The following HS6ST3 variants were observed in gnomAD, a reference collection of about 807,000 sequenced individuals.
HS6ST3 encodes heparan-sulfate 6-O-sulfotransferase 3.
A neutral mutation model predicts 36.7 loss-of-function variants in HS6ST3; 12 were observed. The observed-to-expected ratio is 0.33, with a 90% confidence interval of 0.21 to 0.53. The LOEUF (loss-of-function observed/expected upper bound fraction) is 0.53, where lower values mean the gene tolerates loss of function less well. HS6ST3 is among the 20% of genes least tolerant of loss of function. The pLI is 0.95. For synonymous variants in HS6ST3, 240 were observed against 257.5 expected (o/e 0.93, Z 0.65); for missense variants, 584 against 640.9 (o/e 0.91, Z 0.96).
intron 1 of HS6ST3, among the ~76,000 whole-genome samples, chr13:96,775,630 CAAG>C (rs1223070095): frequency 1.3e-5 from 2 of 151,770 alleles, no homozygotes; most frequent in Non-Finnish European, 2.9e-5. Flanking sequence ...ATCAATACAA[CAAG>C]AAGGACTATC....
At chr13:96,433,179 A>C (rs1319307) in intron 1 of HS6ST3, among the ~76,000 whole-genome samples, 45,923 of 152,108 alleles carry the variant, frequency 0.3, 7,109 homozygotes, top group South Asian at 0.44. Flanking sequence ...GAAACAGTCA[A>C]TAACAAGGTT....
At chr13:96,597,445 T>TC (rs1393867990) in intron 1 of HS6ST3, among the ~76,000 whole-genome samples, 1 of 152,170 alleles carries the variant, frequency 6.6e-6, no homozygotes, top group East Asian at 1.9e-4. Context: ...TGAGCATTTT[T>TC]CATATTTTTT....
chr13:96,146,280 C>T (rs1365589372), intron 1 of HS6ST3, among the ~76,000 whole-genome samples: 3 of 152,130 alleles, frequency 2.0e-5, no homozygotes, highest in Non-Finnish European at 4.4e-5. Flanking sequence ...ATTCTTCCTA[C>T]CCATGAGCAT....
chr13:96,694,312 G>C (rs1230875011), intron 1 of HS6ST3, among the ~76,000 whole-genome samples: 1 of 152,144 alleles, frequency 6.6e-6, no homozygotes, highest in African/African-American at 2.4e-5. Flanking sequence ...ATGGCCTCCA[G>C]CTGTATCCAT....
chr13:96,667,819 A>G (rs963413958), intron 1 of HS6ST3, among the ~76,000 whole-genome samples: 6 of 152,186 alleles, frequency 3.9e-5, no homozygotes, highest in Non-Finnish European at 7.4e-5. Flanking sequence ...GGTACTTACT[A>G]TGCCTTCCTC....
At chr13:96,619,382 T>C (rs2056485806) in intron 1 of HS6ST3, among the ~76,000 whole-genome samples, 1 of 152,248 alleles carries the variant, frequency 6.6e-6, no homozygotes, top group African/African-American at 2.4e-5. Flanking sequence ...TGTAGAGTTA[T>C]CTGACTTTTT....
intron 1 of HS6ST3, among the ~76,000 whole-genome samples, chr13:96,200,216 T>G (rs2054334305): frequency 6.6e-6 from 1 of 152,206 alleles, no homozygotes; most frequent in African/African-American, 2.4e-5. Context: ...AATAGTCAAC[T>G]CTGCAATGGC....
At chr13:96,748,346 C>A (rs190007781) in intron 1 of HS6ST3, among the ~76,000 whole-genome samples, 1 of 152,084 alleles carries the variant, frequency 6.6e-6, no homozygotes, top group East Asian at 1.9e-4. Flanking sequence ...CCCTGTAATC[C>A]AGGATGTGGA....
intron 1 of HS6ST3, among the ~76,000 whole-genome samples, chr13:96,152,835 A>G (rs1362791486): frequency 6.6e-6 from 1 of 151,992 alleles, no homozygotes; most frequent in African/African-American, 2.4e-5. Flanking sequence ...TCTCCTTTTT[A>G]TCCAGTCTTA....
At chr13:96,694,673 T>C (rs1875071008) in intron 1 of HS6ST3, among the ~76,000 whole-genome samples, 1 of 152,210 alleles carries the variant, frequency 6.6e-6, no homozygotes, top group Non-Finnish European at 1.5e-5. Flanking sequence ...TAAGTGTTCC[T>C]ATTTCTCCAT....
chr13:96,299,781 G>T (rs2054872598), intron 1 of HS6ST3, among the ~76,000 whole-genome samples: 1 of 152,100 alleles, frequency 6.6e-6, no homozygotes, highest in Non-Finnish European at 1.5e-5. Flanking sequence ...GGGAGAATGG[G>T]ATAATCCAGA....
chr13:96,538,597 C>A (rs767778092), intron 1 of HS6ST3, among the ~76,000 whole-genome samples: 3 of 152,142 alleles, frequency 2.0e-5, no homozygotes, highest in Non-Finnish European at 4.4e-5. Context: ...GCACATGCCA[C>A]CATGCCCGGC....
chr13:96,321,905 G>A (rs2055004775), intron 1 of HS6ST3, among the ~76,000 whole-genome samples: 1 of 151,902 alleles, frequency 6.6e-6, no homozygotes, highest in African/African-American at 2.4e-5. Context: ...CATTCACTCT[G>A]CACTCTCCTG....
chr13:96,785,473 T>G (rs370953071), intron 1 of HS6ST3, among the ~76,000 whole-genome samples: 4 of 152,298 alleles, frequency 2.6e-5, no homozygotes, highest in African/African-American at 7.2e-5. Flanking sequence ...GGTCATGATC[T>G]CCCAAAATAG....
chr13:96,834,722 T>C lies in HS6ST3; in HGVS notation c.*1524T>C, dbSNP rs1878884208. 1.3e-5 allele frequency: 2 copies of C among 152,562 alleles called. No homozygotes were observed. Among genetic ancestry groups the C allele is most frequent in the African/African-American group, 4.8e-5 (2 of 41,426 alleles). The allele number at this position is 152,562 out of a possible 1,614,324, so 9.5% of individuals were successfully genotyped here. On this transcript the variant is annotated 3_prime_UTR_variant, in exon 2 of 2. Coordinates refer to ENST00000376705, the MANE Select transcript of HS6ST3 (RefSeq NM_153456.4). ...AAGCCTATTTCATTGATATCCAACA[T>C]GTTTGATGTTTAAGCTAGCTTTACC...
chr13:96,532,471 A>G (rs183236457), intron 1 of HS6ST3, among the ~76,000 whole-genome samples: 1 of 152,314 alleles, frequency 6.6e-6, no homozygotes, highest in African/African-American at 2.4e-5. Context: ...TTTGCTAACT[A>G]TGGGACTGGT....
intron 1 of HS6ST3, among the ~76,000 whole-genome samples, chr13:96,317,350 A>ATATATATATATATATAAAAT (rs2054977526): frequency 6.0e-5 from 5 of 83,598 alleles, no homozygotes; most frequent in African/African-American, 2.4e-4. Flanking sequence ...ATATATATAT[A>ATATATATATATATATAAAAT]TATATATATA....
At chr13:96,284,457 A>C (rs1237058172) in intron 1 of HS6ST3, among the ~76,000 whole-genome samples, 1 of 152,198 alleles carries the variant, frequency 6.6e-6, no homozygotes, top group African/African-American at 2.4e-5. Flanking sequence ...AGCATCCAGC[A>C]TGGGAGAAAG....
At chr13:96,243,221 T>C (rs1408897594) in intron 1 of HS6ST3, among the ~76,000 whole-genome samples, 2 of 152,244 alleles carry the variant, frequency 1.3e-5, no homozygotes, top group Non-Finnish European at 2.9e-5. Context: ...GAGTCATGTA[T>C]AGCTAGTGGC....
Sources: allele counts gnomAD v4.1 joint callset (sites outside exome capture counted in the v4.1 genomes callset), GRCh38; gene constraint gnomAD v4.1.1; transcripts MANE v1.5; gene names NCBI Gene and HGNC (gene_info 2026-07-23, HGNC 2026-07-21).